Variants in ZMYM2 observed in about 807,000 individuals in gnomAD.
ZMYM2 encodes zinc finger MYM-type protein 2.
Under a neutral mutation model 162.8 loss-of-function variants are expected in ZMYM2, and 56 were observed. The observed-to-expected ratio is 0.34, with a 90% CI of 0.28 to 0.43. The LOEUF (loss-of-function observed/expected upper bound fraction) is 0.43. Among genes scored for constraint, ZMYM2 ranks in the 20% least tolerant of loss-of-function variants. The pLI is 1.00. For synonymous variants in ZMYM2, 510 were observed against 541.6 expected (o/e 0.94, Z 0.81); for missense variants, 1,275 against 1,621.8 (o/e 0.79, Z 3.67).
chr13:20,026,874 T>TA (rs1352553434), intron 8 of ZMYM2, 112 bp downstream of exon 8: 2 of 1,162,470 alleles, frequency 1.7e-6, no homozygotes, highest in African/African-American at 3.2e-5. Context: ...TATTTTATAT[T>TA]AATCTTTTTG....
At chr13:20,055,708 G>A (rs191446947) in intron 14 of ZMYM2, among the ~76,000 whole-genome samples, 115 of 152,246 alleles carry the variant, frequency 7.6e-4, no homozygotes, top group Middle Eastern at 3.4e-3. Context: ...CAGTCTACCC[G>A]AGTGCTATAG....
At chr13:20,058,993 C>T in intron 15 of ZMYM2, 2 of 472,108 alleles carry the variant, frequency 4.2e-6, no homozygotes, top group Non-Finnish European at 7.8e-6. Context: ...TATAATGCTT[C>T]CTCTGAGAAA....
chr13:19,978,502 C>G (rs1182986807), intron 2 of ZMYM2, among the ~76,000 whole-genome samples: 3 of 151,968 alleles, frequency 2.0e-5, no homozygotes, highest in African/African-American at 7.3e-5. Flanking sequence ...CCACAACGTC[C>G]GCCTCCTGGG....
At chr13:19,970,024 G>A in intron 2 of ZMYM2, 1 of 985,164 alleles carries the variant, frequency 1.0e-6, no homozygotes, top group Non-Finnish European at 1.2e-6. Flanking sequence ...TGTTTCTTTA[G>A]GTTAGATGAG....
intron 2 of ZMYM2, among the ~76,000 whole-genome samples, chr13:19,987,160 T>C (rs753401007): frequency 6.1e-5 from 9 of 148,448 alleles, no homozygotes; most frequent in Non-Finnish European, 1.2e-4. Context: ...TTAAGTAAGC[T>C]GCTTAAAACC....
intron 2 of ZMYM2, among the ~76,000 whole-genome samples, chr13:19,966,457 CTT>C (rs71070277): frequency 5.0e-5 from 7 of 141,300 alleles, no homozygotes; most frequent in Admixed American, 7.0e-5. Flanking sequence ...GTCTATAATT[CTT>C]TTTTTTTTTT....
chr13:20,038,932 T>G (rs966988673), intron 12 of ZMYM2, among the ~76,000 whole-genome samples: 4 of 152,206 alleles, frequency 2.6e-5, no homozygotes, highest in African/African-American at 9.7e-5. Context: ...TTTTTCCATT[T>G]GTTTGTGTCA....
At chr13:20,083,866 G>A in intron 24 of ZMYM2, 90 bp downstream of exon 24, 5 of 1,293,582 alleles carry the variant, frequency 3.9e-6, no homozygotes, top group East Asian at 2.5e-5. Context: ...TTTTTTAGAT[G>A]GATTCTTTCT....
chr13:19,965,325 T>TA (rs150245793), intron 2 of ZMYM2: 2 of 1,110,952 alleles, frequency 1.8e-6, no homozygotes, highest in Non-Finnish European at 2.4e-6. Context: ...TACTTAACAT[T>TA]AAAAAATGAC....
At chr13:20,078,558 A>G (rs1221861921) in intron 21 of ZMYM2, among the ~76,000 whole-genome samples, 2 of 152,130 alleles carry the variant, frequency 1.3e-5, no homozygotes, top group African/African-American at 4.8e-5. Context: ...GCTGTGTTTT[A>G]TGAGATTTTC....
At chr13:19,912,619 C>T in the ZMYM2 span, among the ~76,000 whole-genome samples, 1 of 152,140 alleles carries the variant, frequency 6.6e-6, no homozygotes, top group Admixed American at 6.6e-5. Flanking sequence ...CAGGCATGAG[C>T]CACTGAGCCT....
Position 20,088,080 on chromosome 13 carries a change from A to G in ZMYM2, c.*2066A>G, listed in dbSNP as rs1958372481. On this transcript the variant is annotated 3_prime_UTR_variant, in exon 25 of 25. Coordinates refer to ENST00000610343, the MANE Select transcript of ZMYM2 (RefSeq NM_197968.4). ...TCAAGCACCTTGTCTTGCTATTTAC[A>G]GTTTCTTCATTTGTATATTTTTAGC... 1.0e-5 allele frequency: 2 copies of G among 198,828 alleles called. No homozygotes were observed. Among genetic ancestry groups the G allele is most frequent in the South Asian group, 1.9e-4 (1 of 5,240 alleles). 12.3% of individuals were successfully genotyped at this position (198,828 alleles called of 1,614,324 possible). A position where few individuals can be genotyped will look rare whatever the true frequency, so the allele number is the denominator to read the frequency against.
At chr13:19,963,445 A>C (rs1955461600) in intron 2 of ZMYM2, among the ~76,000 whole-genome samples, 1 of 152,212 alleles carries the variant, frequency 6.6e-6, no homozygotes, top group Non-Finnish European at 1.5e-5. Flanking sequence ...CATGAATTTG[A>C]GTGCAGCAAT....
intron 14 of ZMYM2, among the ~76,000 whole-genome samples, chr13:20,052,796 C>G (rs1955484758): frequency 6.6e-6 from 1 of 152,154 alleles, no homozygotes; most frequent in Non-Finnish European, 1.5e-5. Flanking sequence ...GGCAGAACTA[C>G]TTACTAGAGC....
chr13:19,964,413 A>G lies in ZMYM2; in HGVS notation c.-11+4387A>G, dbSNP rs182403283. Among the ~76,000 whole-genome samples the G allele has an allele frequency of 2.6e-5, 4 of 152,218 alleles. No individual in the cohort carries two copies. The East Asian group carries it at 7.7e-4, about 29-fold the overall frequency. On this transcript the variant is annotated intron_variant, in intron 2 of 24. Coordinates refer to ENST00000610343, the MANE Select transcript of ZMYM2 (RefSeq NM_197968.4). ...AAAAATAAAGTGATTATTCACAGAA[A>G]TAGATAATGCATGTTTAATAGGTCG...
At chr13:20,046,581 A>ATGTG (rs1249162923) in intron 12 of ZMYM2, among the ~76,000 whole-genome samples, 8 of 117,512 alleles carry the variant, frequency 6.8e-5, no homozygotes, top group African/African-American at 1.6e-4. Flanking sequence ...ATATATATAT[A>ATGTG]TGTGTGTGTG....
At chr13:19,976,405 T>C (rs1416171330) in intron 2 of ZMYM2, among the ~76,000 whole-genome samples, 1 of 152,142 alleles carries the variant, frequency 6.6e-6, no homozygotes, top group South Asian at 2.1e-4. Context: ...TTTTTCTTTT[T>C]TATTTTAAAT....
intron 7 of ZMYM2, chr13:20,024,311 T>C (rs2140228536): frequency 5.1e-6 from 1 of 194,510 alleles, no homozygotes; most frequent in African/African-American, 2.3e-5. Flanking sequence ...CTTAAAACTG[T>C]TACTAATTAT....
chr13:20,006,771 G>C (rs1343329895), intron 6 of ZMYM2, among the ~76,000 whole-genome samples, 185 bp downstream of exon 6: 2 of 152,108 alleles, frequency 1.3e-5, no homozygotes, highest in African/African-American at 4.8e-5. Flanking sequence ...CTGAACCATC[G>C]TAAGTCAGGG....
Sources: allele counts gnomAD v4.1 joint callset (sites outside exome capture counted in the v4.1 genomes callset), GRCh38; gene constraint gnomAD v4.1.1; transcripts MANE v1.5; gene names NCBI Gene and HGNC (gene_info 2026-07-23, HGNC 2026-07-21).